KCTD16: variants seen among roughly 807,000 people sequenced by gnomAD.
KCTD16 encodes the protein potassium channel tetramerization domain containing 16.
A neutral mutation model predicts 33.2 loss-of-function variants in KCTD16; 13 were observed. The ratio of observed to expected loss-of-function variants is 0.39; its 90% CI spans 0.25 to 0.62. The LOEUF is 0.62. KCTD16 is among the 20% of genes least tolerant of loss of function. The pLI, the probability that KCTD16 is intolerant of heterozygous loss-of-function variation, is 0.50. For synonymous variants in KCTD16, 197 were observed against 195.3 expected (o/e 1.01, Z -0.07); for missense variants, 441 against 525.1 (o/e 0.84, Z 1.57).
intron 3 of KCTD16, 57 bp downstream of exon 3, chr5:144,207,603 A>T (rs1753227979): frequency 7.9e-7 from 1 of 1,260,156 alleles, no homozygotes; most frequent in Admixed American, 1.9e-5. Context: ...TCACAAATGT[A>T]TATGGTCTGT....
chr5:144,394,310 G>A (rs1350252738), intron 3 of KCTD16, among the ~76,000 whole-genome samples: 1 of 152,040 alleles, frequency 6.6e-6, no homozygotes, highest in Non-Finnish European at 1.5e-5. Context: ...TTTATGAAAT[G>A]CTTGATATTG....
chr5:144,461,207 G>A (rs1041383530), intron 3 of KCTD16, among the ~76,000 whole-genome samples: 55 of 152,234 alleles, frequency 3.6e-4, no homozygotes, highest in African/African-American at 1.3e-3. Flanking sequence ...AAGAATTATT[G>A]AACAAAGGGA....
Position 144,478,310 on chromosome 5 carries a change from T to C in KCTD16, c.*4196T>C, listed in dbSNP as rs1287598117. The stretch of plus-strand genomic sequence containing the variant: ...ATTTATATTGCCTTCATCATTCTGG[T>C]TTCAGACGAAATGGTTATTGCTCTC... On this transcript the variant is annotated 3_prime_UTR_variant, in exon 4 of 4. Coordinates refer to ENST00000512467, the MANE Select transcript of KCTD16 (RefSeq NM_020768.4). The C allele has an allele frequency of 6.6e-6, 1 of 152,034 alleles. No homozygotes were observed. The highest frequency in any genetic ancestry group is 1.9e-4 in the East Asian group (1 of 5,188). The allele number at this position is 152,034 out of a possible 1,614,324, so 9.4% of individuals were successfully genotyped here.
chr5:144,409,322 A>G (rs1431958133), intron 3 of KCTD16, among the ~76,000 whole-genome samples: 1 of 152,198 alleles, frequency 6.6e-6, no homozygotes, highest in Non-Finnish European at 1.5e-5. Flanking sequence ...CAGGCATAAA[A>G]AACTTGCCAC....
At chr5:144,451,818 A>AG (rs1300558040) in intron 3 of KCTD16, among the ~76,000 whole-genome samples, 1 of 152,148 alleles carries the variant, frequency 6.6e-6, no homozygotes, top group African/African-American at 2.4e-5. Context: ...TCATCATTTC[A>AG]ATGCCCTGGC....
intron 3 of KCTD16, among the ~76,000 whole-genome samples, chr5:144,289,875 C>A (rs893355344): frequency 1.3e-5 from 2 of 151,542 alleles, no homozygotes; most frequent in African/African-American, 4.9e-5. Context: ...CATCTTATAC[C>A]ATAAAATTAA....
rs983337813 is a variant in KCTD16 at position 144,480,280 on chromosome 5, T to C, written c.*6166T>C. Reference sequence around the variant, plus strand: ...GTTACATAGTTTAACAGCTTTTTAGTTCAGCACAATAGTTTGTCTCTACTG... The same window carrying C: ...GTTACATAGTTTAACAGCTTTTTAGCTCAGCACAATAGTTTGTCTCTACTG... On this transcript the variant is annotated 3_prime_UTR_variant, in exon 4 of 4. Coordinates refer to ENST00000512467, the MANE Select transcript of KCTD16 (RefSeq NM_020768.4). 6.6e-6 allele frequency: 1 copy of C among 151,982 alleles called. No individual in the cohort carries two copies. The highest frequency in any genetic ancestry group is 2.4e-5 in the African/African-American group (1 of 41,406). The allele number at this position is 151,982 out of a possible 1,614,324, so 9.4% of individuals were successfully genotyped here.
At position 144,295,366 on chromosome 5, in the gene KCTD16, A is replaced by G. The variant is rs550512511; in HGVS notation, c.832+87820A>G. ...TGAGAAAAGAATGTGTGTGCAAATA[A>G]TGAATTAAGAGTTTTCCCAGGAGAA... On this transcript the variant is annotated intron_variant, in intron 3 of 3. Transcript: ENST00000512467. Among the ~76,000 whole-genome samples, 3 of 152,356 alleles carry G rather than the reference A, an allele frequency of 2.0e-5. No individual in the cohort carries two copies. The South Asian group carries it at 6.2e-4, about 32-fold the overall frequency.
In KCTD16 at chr5:144,483,621, GAATAC is replaced by G. The variant is rs1489721143; in HGVS notation, c.*9509_*9513del. 2 of 151,938 alleles carry G rather than the reference GAATAC, an allele frequency of 1.3e-5. No homozygotes were observed. Among genetic ancestry groups the G allele is most frequent in the East Asian group, 3.9e-4 (2 of 5,158 alleles). The allele number at this position is 151,938 out of a possible 1,614,324, so 9.4% of individuals were successfully genotyped here. A position where few individuals can be genotyped will look rare whatever the true frequency, so the allele number is the denominator to read the frequency against. On this transcript the variant is annotated 3_prime_UTR_variant, in exon 4 of 4. Transcript: ENST00000512467. ...AATTAACGAATTTTGGCCATCTTAA[GAATAC>G]AGTAAGTTGTGTACTCATTCATAGC...
chr5:144,455,797 T>C (rs973688953), intron 3 of KCTD16, among the ~76,000 whole-genome samples: 1 of 152,170 alleles, frequency 6.6e-6, no homozygotes, highest in Non-Finnish European at 1.5e-5. Flanking sequence ...CTTCCATAAA[T>C]TGGGAGTGGA....
intron 3 of KCTD16, among the ~76,000 whole-genome samples, chr5:144,388,372 C>T (rs1468909005): frequency 2.6e-5 from 4 of 152,034 alleles, no homozygotes; most frequent in Non-Finnish European, 4.4e-5. Context: ...TGAGCCACCG[C>T]GCCCGGCCTT....
At chr5:144,233,975 C>A (rs1417489363) in intron 3 of KCTD16, among the ~76,000 whole-genome samples, 1 of 151,972 alleles carries the variant, frequency 6.6e-6, no homozygotes, top group African/African-American at 2.4e-5. Context: ...CAAAAGTCTC[C>A]CAGGATTAAC....
At chr5:144,203,371 T>C (rs1273938812) in intron 2 of KCTD16, among the ~76,000 whole-genome samples, 1 of 152,132 alleles carries the variant, frequency 6.6e-6, no homozygotes, top group Admixed American at 6.6e-5. Flanking sequence ...TCAAAAAAAA[T>C]CTTGTTTCTT....
chr5:144,400,510 G>C (rs371917976), intron 3 of KCTD16, among the ~76,000 whole-genome samples: 1 of 152,236 alleles, frequency 6.6e-6, no homozygotes, highest in East Asian at 1.9e-4. Flanking sequence ...GTGTTTCAGG[G>C]AAATAGGGGT....
At chr5:144,290,921 ATTAACTTATTTAT>A (rs1755879783) in intron 3 of KCTD16, among the ~76,000 whole-genome samples, 1 of 152,254 alleles carries the variant, frequency 6.6e-6, no homozygotes. Context: ...AAGATAATTT[ATTAACTTATTTAT>A]AACCTTCTTG....
chr5:144,461,447 G>A (rs908351280), intron 3 of KCTD16, among the ~76,000 whole-genome samples: 27 of 152,138 alleles, frequency 1.8e-4, no homozygotes, highest in Non-Finnish European at 2.6e-4. Context: ...CACTTCTCTC[G>A]TCTTCTCACT....
chr5:144,364,277 G>A (rs1400778439), intron 3 of KCTD16, among the ~76,000 whole-genome samples: 1 of 152,098 alleles, frequency 6.6e-6, no homozygotes, highest in Non-Finnish European at 1.5e-5. Flanking sequence ...AGCCACAATT[G>A]CTGATGTTCC....
At chr5:144,311,984 C>G (rs570919420) in intron 3 of KCTD16, among the ~76,000 whole-genome samples, 2 of 151,836 alleles carry the variant, frequency 1.3e-5, no homozygotes, top group Non-Finnish European at 2.9e-5. Context: ...AAAACTTCTT[C>G]CCTCTGAACA....
intron 3 of KCTD16, among the ~76,000 whole-genome samples, chr5:144,376,110 A>G (rs1752087357): frequency 1.3e-5 from 2 of 151,984 alleles, no homozygotes; most frequent in African/African-American, 4.8e-5. Context: ...TTTTCTTAAT[A>G]AAATCTTCCT....
Sources: allele counts gnomAD v4.1 joint callset (sites outside exome capture counted in the v4.1 genomes callset), GRCh38; gene constraint gnomAD v4.1.1; transcripts MANE v1.5; gene names NCBI Gene and HGNC (gene_info 2026-07-23, HGNC 2026-07-21).